Variants in TUT7 observed in about 807,000 individuals in gnomAD.
The protein encoded by TUT7 is terminal uridylyl transferase 7.
A neutral mutation model predicts 165.9 loss-of-function variants in TUT7; 33 were observed. The ratio of observed to expected loss-of-function variants is 0.20; its 90% CI spans 0.15 to 0.27. The LOEUF is 0.27. Among genes scored for constraint, TUT7 ranks in the 10% least tolerant of loss-of-function variants. TUT7 has a pLI of 1.00. For synonymous variants in TUT7, 552 were observed against 608.1 expected, an observed-to-expected ratio of 0.91 and a Z score of 1.36; for missense variants, 1,338 against 1,762.3, an observed-to-expected ratio of 0.76 and a Z score of 4.31.
At chr9:86,334,218 C>T (rs1655711841) in intron 10 of TUT7, among the ~76,000 whole-genome samples, 3 of 152,104 alleles carry the variant, frequency 2.0e-5, no homozygotes, top group Admixed American at 6.5e-5. Context: ...GAAGGGCAGG[C>T]TTTCAATAAT....
intron 26 of TUT7, among the ~76,000 whole-genome samples, chr9:86,300,828 T>C (rs1826817270): frequency 6.6e-6 from 1 of 152,240 alleles, no homozygotes; most frequent in Non-Finnish European, 1.5e-5. Flanking sequence ...AGCCTATTTC[T>C]TTCTGTTCCC....
intron 17 of TUT7, among the ~76,000 whole-genome samples, chr9:86,313,828 G>C (rs139878221): frequency 6.6e-5 from 10 of 152,282 alleles, no homozygotes; most frequent in African/African-American, 2.4e-4. Flanking sequence ...TCTTCTGAGA[G>C]AGCTAAGTGG....
At chr9:86,340,130 T>A in intron 7 of TUT7, 25 bp from the exon 8 acceptor site, 1 of 1,589,556 alleles carries the variant, frequency 6.3e-7, no homozygotes, top group Non-Finnish European at 8.6e-7. Context: ...AGAAAAATAT[T>A]AAGTTGGTTA....
Position 86,301,312 on chromosome 9 carries a change from T to C in TUT7, c.4384A>G (p.Ile1462Val), listed in dbSNP as rs1826869805. The C allele has an allele frequency of 1.9e-6, 3 of 1,614,064 alleles. No homozygotes were observed. The highest frequency in any genetic ancestry group is 2.5e-6 in the Non-Finnish European group (3 of 1,180,026). ...RCFICGREGHIKKECPQFKGS... is the reference protein window; with the variant it reads ...RCFICGREGHVKKECPQFKGS... ...TTAAACTGTGGGCATTCCTTTTTAATGTGCCCTTCTCTTCCACAAATAAAA... is the reference window on the plus strand; with the variant it reads ...TTAAACTGTGGGCATTCCTTTTTAACGTGCCCTTCTCTTCCACAAATAAAA... Residue 1462 changes from isoleucine to valine, a missense_variant, in exon 26 of 27, where the codon ATT becomes GTT. Coordinates refer to ENST00000375963, the MANE Select transcript of TUT7 (RefSeq NM_024617.4).
chr9:86,310,957 TAAC>T (rs1827993326), intron 17 of TUT7, 148 bp from the exon 18 acceptor site: 2 of 594,778 alleles, frequency 3.4e-6, no homozygotes, highest in Non-Finnish European at 6.0e-6. Context: ...ATTCTGTTAT[TAAC>T]AAACATCTGG....
Position 86,314,436 on chromosome 9 carries a change from A to C in TUT7, c.3274+2783T>G, listed in dbSNP as rs896674369. On this transcript the variant is annotated intron_variant, in intron 17 of 26. Transcript: ENST00000375963. ...ATCTTCAATTCTGACTGGCAACCCCATATTTCTAATTGTTTTCTGGAATGT... is the reference window on the plus strand; with the variant it reads ...ATCTTCAATTCTGACTGGCAACCCCCTATTTCTAATTGTTTTCTGGAATGT... Among the ~76,000 whole-genome samples, 16 of 152,164 alleles carry C rather than the reference A, an allele frequency of 1.1e-4. 1 individual carries two copies. The highest frequency in any genetic ancestry group is 9.8e-4 in the Admixed American group (15 of 15,268).
intron 26 of TUT7, among the ~76,000 whole-genome samples, chr9:86,299,203 A>AT (rs955526952): frequency 6.6e-6 from 1 of 152,232 alleles, no homozygotes; most frequent in African/African-American, 2.4e-5. Context: ...GTTTACCTGA[A>AT]CAAATAAACC....
chr9:86,296,743 A>G (rs536285322), intron 26 of TUT7, among the ~76,000 whole-genome samples: 8 of 152,360 alleles, frequency 5.3e-5, no homozygotes, highest in East Asian at 1.9e-4. Context: ...CCGTATCAAC[A>G]TGCTTTCTTG....
chr9:86,338,962 G>C lies in TUT7; in HGVS notation c.1209-13C>G, dbSNP rs772363311. 1.9e-6 allele frequency: 3 copies of C among 1,560,240 alleles called. No homozygotes were observed. The highest frequency in any genetic ancestry group is 2.6e-6 in the Non-Finnish European group (3 of 1,151,672). ...ACACAGAAGACCACTGGTGAGAGGT[G>C]GGGGAGGAGGATGGGAAAGAAAAAA... On this transcript the variant is annotated splice_polypyrimidine_tract_variant and intron_variant, in intron 8 of 26. Coordinates refer to ENST00000375963, the MANE Select transcript of TUT7 (RefSeq NM_024617.4).
chr9:86,333,851 G>C (rs1382038782), intron 10 of TUT7, among the ~76,000 whole-genome samples: 1 of 152,142 alleles, frequency 6.6e-6, no homozygotes, highest in Non-Finnish European at 1.5e-5. Flanking sequence ...ATCTGGCTAG[G>C]AGTTAGGATG....
Position 86,295,769 on chromosome 9 carries a change from C to T in TUT7, c.4420+5507G>A, listed in dbSNP as rs984364568. The stretch of plus-strand genomic sequence containing the variant: ...ACCATGAGGGCAAAAAGACATCCAC[C>T]AATCTCTTACAGCAACTCCAATTTT... On this transcript the variant is annotated intron_variant, in intron 26 of 26. Transcript: ENST00000375963. Among the ~76,000 whole-genome samples, 3 of 151,962 alleles carry T rather than the reference C, an allele frequency of 2.0e-5. 1 individual carries two copies. The South Asian group carries it at 6.2e-4, about 31-fold the overall frequency.
chr9:86,335,100 G>C (rs1351848519), intron 10 of TUT7, among the ~76,000 whole-genome samples: 3 of 152,150 alleles, frequency 2.0e-5, no homozygotes, highest in African/African-American at 7.2e-5. Flanking sequence ...AAGGAGAAAA[G>C]GACTATAACA....
chr9:86,314,434 C>T (rs1828522622), intron 17 of TUT7, among the ~76,000 whole-genome samples: 1 of 152,148 alleles, frequency 6.6e-6, no homozygotes, highest in Non-Finnish European at 1.5e-5. Flanking sequence ...ACTGGCAACC[C>T]CATATTTCTA....
intron 10 of TUT7, among the ~76,000 whole-genome samples, chr9:86,330,843 A>C (rs1441096059): frequency 6.6e-6 from 1 of 150,646 alleles, no homozygotes; most frequent in Non-Finnish European, 1.5e-5. Flanking sequence ...TTTTAGCTGC[A>C]TCTGACAAAT....
intron 26 of TUT7, among the ~76,000 whole-genome samples, chr9:86,289,605 C>T (rs1160331886): frequency 6.6e-6 from 1 of 151,868 alleles, no homozygotes; most frequent in Non-Finnish European, 1.5e-5. Flanking sequence ...GTAAGAGTTT[C>T]CTAAGCACAC....
At position 86,352,880 on chromosome 9, in the gene TUT7, G is replaced by A. The variant is rs1832418548; in HGVS notation, c.320C>T (p.Thr107Ile). The A allele has an allele frequency of 6.2e-7, 1 of 1,614,162 alleles. No homozygotes were observed. Among genetic ancestry groups the A allele is most frequent in the Non-Finnish European group, 8.5e-7 (1 of 1,180,012 alleles). The change falls in exon 2 of 27, where the codon ACT becomes ATT. Residue 107 changes from threonine to isoleucine, a missense_variant. This residue lies in a region of TUT7 where 434 missense variants were observed against 480.8 expected (regional missense o/e 0.90). Transcript: ENST00000375963. ...QSKRWLSDEH[T>I]GNSDNWREFK... ...TTCTCTCCAGTTGTCTGAATTACCA[G>A]TATGTTCATCAGACAGCCATCTCTT... is the stretch of plus-strand genomic sequence containing the variant.
chr9:86,313,998 T>G (rs992852540), intron 17 of TUT7, among the ~76,000 whole-genome samples: 27 of 152,330 alleles, frequency 1.8e-4, no homozygotes, highest in Middle Eastern at 3.4e-3. Context: ...ACTGAATACT[T>G]AGAATATGCT....
At chr9:86,341,147 A>G in intron 6 of TUT7, 94 bp from the exon 7 acceptor site, 1 of 970,604 alleles carries the variant, frequency 1.0e-6, no homozygotes, top group Non-Finnish European at 1.6e-6. Flanking sequence ...ATTCCTTTCT[A>G]AATGAGAAAT....
chr9:86,346,776 G>A (rs186043989), intron 2 of TUT7, among the ~76,000 whole-genome samples: 5 of 152,102 alleles, frequency 3.3e-5, no homozygotes, highest in Admixed American at 1.3e-4. Context: ...GCATAGCAAA[G>A]CAACAGAAAA....
Sources: allele counts gnomAD v4.1 joint callset (sites outside exome capture counted in the v4.1 genomes callset), GRCh38; gene constraint gnomAD v4.1.1; regional missense constraint gnomAD v4.1.1; transcripts MANE v1.5; gene names NCBI Gene and HGNC (gene_info 2026-07-23, HGNC 2026-07-21).